Variants in OLFM3 observed in about 807,000 individuals in gnomAD.
OLFM3 encodes noelin-3.
In OLFM3, 20 loss-of-function variants were observed where a neutral mutation model predicts 48.6. That is an observed-to-expected ratio of 0.41 (90% CI 0.29 to 0.60). OLFM3 has a LOEUF of 0.60. Among genes scored for constraint, OLFM3 ranks in the 20% least tolerant of loss-of-function variants. OLFM3 has a pLI of 0.28. For synonymous variants in OLFM3, 222 were observed against 198.1 expected, an observed-to-expected ratio of 1.12 and a Z score of -1.01; for missense variants, 437 against 544.3, an observed-to-expected ratio of 0.80 and a Z score of 1.96.
At chr1:101,941,173 C>G (rs1207774547) in intron 1 of OLFM3, among the ~76,000 whole-genome samples, 1 of 152,104 alleles carries the variant, frequency 6.6e-6, no homozygotes, top group Non-Finnish European at 1.5e-5. Flanking sequence ...TGACGGAGGT[C>G]CATCCGAGAA....
At chr1:101,871,846 A>G (rs367844179) in intron 1 of OLFM3, among the ~76,000 whole-genome samples, 2 of 152,094 alleles carry the variant, frequency 1.3e-5, no homozygotes, top group East Asian at 1.9e-4. Context: ...TATTTAAAAC[A>G]TATGTATTTT....
At chr1:101,913,679 C>A in intron 1 of OLFM3, among the ~76,000 whole-genome samples, 1 of 124,250 alleles carries the variant, frequency 8.0e-6, no homozygotes. Context: ...TCCTAAAAGC[C>A]CTACAGAAAA....
chr1:101,828,605 G>C (rs972471815), intron 3 of OLFM3, among the ~76,000 whole-genome samples: 1 of 152,046 alleles, frequency 6.6e-6, no homozygotes, highest in Non-Finnish European at 1.5e-5. Context: ...TATCCTTTTT[G>C]TTTCTTAGTT....
chr1:101,842,743 C>T (rs1655789258), intron 1 of OLFM3, among the ~76,000 whole-genome samples: 1 of 152,158 alleles, frequency 6.6e-6, no homozygotes, highest in Non-Finnish European at 1.5e-5. Flanking sequence ...CAGGCAGCCC[C>T]CTCCACTGAA....
At chr1:101,983,139 T>G (rs1036439139) in intron 1 of OLFM3, among the ~76,000 whole-genome samples, 2 of 152,202 alleles carry the variant, frequency 1.3e-5, no homozygotes, top group Non-Finnish European at 2.9e-5. Context: ...CTTTTACATC[T>G]TCATCAGCCT....
rs551259535 is a variant in OLFM3 at position 101,820,139 on chromosome 1, C to T, written c.592+4887G>A. Among the ~76,000 whole-genome samples the T allele has an allele frequency of 1.5e-4, 23 of 152,208 alleles. No individual in the cohort carries two copies. In the South Asian group the frequency reaches 4.8e-3, roughly 32 times the overall value. ...ATATTAGCCCATAGATACTTTGGTTCTTGTTTAAAAACTAATTTGGCATAA... is the reference window on the plus strand; with the variant it reads ...ATATTAGCCCATAGATACTTTGGTTTTTGTTTAAAAACTAATTTGGCATAA... On this transcript the variant is annotated intron_variant, in intron 4 of 5. Transcript: ENST00000370103.
intron 1 of OLFM3, among the ~76,000 whole-genome samples, chr1:101,948,544 A>C (rs1295282740): frequency 6.6e-6 from 1 of 152,116 alleles, no homozygotes; most frequent in African/African-American, 2.4e-5. Flanking sequence ...GTTTAGTGCT[A>C]AATAAATGTT....
intron 1 of OLFM3, among the ~76,000 whole-genome samples, chr1:101,901,981 A>T (rs574555798): frequency 8.5e-5 from 13 of 152,166 alleles, no homozygotes; most frequent in South Asian, 6.2e-4. Flanking sequence ...GAGATGAGAT[A>T]AAAAAACTTC....
intron 1 of OLFM3, among the ~76,000 whole-genome samples, chr1:101,855,191 G>C (rs749309096): frequency 2.6e-5 from 4 of 152,016 alleles, no homozygotes; most frequent in Non-Finnish European, 5.9e-5. Context: ...TTATTGAGAA[G>C]CTTCCTTATT....
chr1:101,883,879 A>G (rs559658120), intron 1 of OLFM3, among the ~76,000 whole-genome samples: 29 of 151,976 alleles, frequency 1.9e-4, no homozygotes, highest in Non-Finnish European at 3.2e-4. Flanking sequence ...ATTAAGAGTA[A>G]AGGACAAGAC....
At chr1:101,870,164 CT>C (rs1657020598) in intron 1 of OLFM3, among the ~76,000 whole-genome samples, 1 of 152,042 alleles carries the variant, frequency 6.6e-6, no homozygotes, top group African/African-American at 2.4e-5. Flanking sequence ...TGAAAATTTA[CT>C]TGGTAATTAC....
intron 1 of OLFM3, among the ~76,000 whole-genome samples, chr1:101,868,960 C>T (rs1432296759): frequency 6.6e-6 from 1 of 152,208 alleles, no homozygotes; most frequent in Non-Finnish European, 1.5e-5. Flanking sequence ...TTTGGGAACC[C>T]CTACCTGGAT....
chr1:101,923,134 T>C (rs1051831988), intron 1 of OLFM3, among the ~76,000 whole-genome samples: 1 of 152,328 alleles, frequency 6.6e-6, no homozygotes, highest in African/African-American at 2.4e-5. Context: ...GGTGGTCTTA[T>C]CCAGCAGACA....
At chr1:101,994,233 C>G (rs1275029717) in intron 1 of OLFM3, among the ~76,000 whole-genome samples, 1 of 150,664 alleles carries the variant, frequency 6.6e-6, no homozygotes, top group South Asian at 2.1e-4. Context: ...CAAAGTATAA[C>G]AATATAGAAT....
At chr1:101,947,644 TATAGA>T (rs1295227912) in intron 1 of OLFM3, among the ~76,000 whole-genome samples, 4 of 152,136 alleles carry the variant, frequency 2.6e-5, no homozygotes, top group Admixed American at 6.5e-5. Flanking sequence ...TAAAGTGTAG[TATAGA>T]ATTAAGTTTC....
intron 1 of OLFM3, among the ~76,000 whole-genome samples, chr1:101,842,108 A>G (rs1282790124): frequency 1.3e-5 from 2 of 152,220 alleles, no homozygotes; most frequent in African/African-American, 4.8e-5. Context: ...TTTTCTTGCT[A>G]TTACTTATAA....
chr1:101,945,032 T>C (rs1659913335), intron 1 of OLFM3, among the ~76,000 whole-genome samples: 1 of 152,184 alleles, frequency 6.6e-6, no homozygotes, highest in Non-Finnish European at 1.5e-5. Flanking sequence ...ATTATAAAGA[T>C]TGACAATATC....
At chr1:101,885,944 C>A (rs1389704584) in intron 1 of OLFM3, among the ~76,000 whole-genome samples, 3 of 152,030 alleles carry the variant, frequency 2.0e-5, no homozygotes, top group Non-Finnish European at 4.4e-5. Context: ...CACCCCTAAG[C>A]CTCTCATTGT....
chr1:101,983,706 C>T (rs879712334), intron 1 of OLFM3, among the ~76,000 whole-genome samples: 4 of 152,098 alleles, frequency 2.6e-5, no homozygotes, highest in Non-Finnish European at 4.4e-5. Context: ...TTTTCTTAAA[C>T]CTAAAAGCAA....
Sources: gnomAD v4.1 joint callset for allele counts (sites outside exome capture counted in the v4.1 genomes callset) on GRCh38, gnomAD v4.1.1 for gene constraint, MANE v1.5 for transcripts, NCBI Gene and HGNC (gene_info 2026-07-23, HGNC 2026-07-21) for gene names.